The following COTL1 variants were observed in gnomAD, a reference collection of about 807,000 sequenced individuals.
COTL1 encodes coactosin-like protein.
In COTL1, 15 loss-of-function variants were observed where a neutral mutation model predicts 16.5. That is an observed-to-expected ratio of 0.91 (90% CI 0.61 to 1.40). The LOEUF is 1.40. Among genes scored for constraint, COTL1 ranks in the 40% most tolerant of loss-of-function variants. COTL1 has a pLI of 0.00. For missense variants in COTL1, 220 were observed against 201.5 expected (o/e 1.09, Z -0.56); for synonymous variants, 112 against 85.3 (o/e 1.31, Z -1.73).
chr16:84,588,501 T>C (rs1453200153), intron 3 of COTL1, among the ~76,000 whole-genome samples: 1 of 152,160 alleles, frequency 6.6e-6, no homozygotes, highest in Non-Finnish European at 1.5e-5. Flanking sequence ...GCCTATTTTT[T>C]TGTTTGTTTT....
In COTL1 at chr16:84,574,296, A is replaced by G. The variant is rs1420267698; in HGVS notation, c.319-7341T>C. On this transcript the variant is annotated intron_variant, in intron 3 of 3. Coordinates refer to ENST00000262428, the MANE Select transcript of COTL1 (RefSeq NM_021149.5). ...CACTTTCTCCCCACATCCCGCCTCCAGGGGCTGCTCTAGACTGCCAAGCCC... is the reference window on the plus strand; with the variant it reads ...CACTTTCTCCCCACATCCCGCCTCCGGGGGCTGCTCTAGACTGCCAAGCCC... 7.2e-5 allele frequency among the ~76,000 whole-genome samples: 11 copies of G among 152,300 alleles called. No homozygotes were observed. In the East Asian group the frequency reaches 1.7e-3, roughly 24 times the overall value.
chr16:84,576,856 A>G (rs938822647), intron 3 of COTL1: 1 of 152,210 alleles, frequency 6.6e-6, no homozygotes, highest in Non-Finnish European at 1.5e-5. Flanking sequence ...CCCTCACAAC[A>G]CGGTGTGGGG....
intron 3 of COTL1, among the ~76,000 whole-genome samples, chr16:84,571,963 G>C (rs1313582996): frequency 1.3e-5 from 2 of 152,218 alleles, no homozygotes; most frequent in East Asian, 3.9e-4. Flanking sequence ...TTACAAAGGT[G>C]AGCCAGCACC....
chr16:84,573,208 A>G (rs977331813), intron 3 of COTL1, among the ~76,000 whole-genome samples: 2 of 152,384 alleles, frequency 1.3e-5, no homozygotes, highest in South Asian at 4.1e-4. Context: ...GGTCCTTTAC[A>G]TTCATTTCTT....
intron 2 of COTL1, among the ~76,000 whole-genome samples, chr16:84,614,127 G>C (rs2967872): frequency 0.2 from 30,036 of 152,152 alleles, 4,879 homozygotes; most frequent in African/African-American, 0.41. Context: ...GAGTTTCCAG[G>C]CTAGAGGCCA....
At chr16:84,594,490 G>A (rs2032409648) in intron 2 of COTL1, 1 of 152,270 alleles carries the variant, frequency 6.6e-6, no homozygotes, top group African/African-American at 2.4e-5. Flanking sequence ...GTGGTGTCTG[G>A]GAAGCCAGGG....
chr16:84,580,902 G>C (rs1384197904), intron 3 of COTL1, among the ~76,000 whole-genome samples: 3 of 152,142 alleles, frequency 2.0e-5, no homozygotes, highest in African/African-American at 7.2e-5. Context: ...CCAGCACTTT[G>C]GGAGGCTGAG....
chr16:84,594,299 C>T (rs889464489), intron 2 of COTL1: 5 of 152,338 alleles, frequency 3.3e-5, no homozygotes, highest in African/African-American at 9.6e-5. Flanking sequence ...AACCTCCAAC[C>T]TAAAGCTCCT....
intron 2 of COTL1, among the ~76,000 whole-genome samples, chr16:84,614,302 A>C (rs117592089): frequency 0.03 from 4,504 of 152,334 alleles, 93 homozygotes; most frequent in Non-Finnish European, 0.047. Context: ...CTCGGGAAGA[A>C]GCAGCGCAGA....
At position 84,590,291 on chromosome 16, in the gene COTL1, G is replaced by C. The variant is rs998135133; in HGVS notation, c.161-29C>G. 1 of 1,608,752 alleles carries C rather than the reference G, an allele frequency of 6.2e-7. No individual in the cohort carries two copies. Among genetic ancestry groups the C allele is most frequent in the Non-Finnish European group, 8.5e-7 (1 of 1,175,918 alleles). On this transcript the variant is annotated intron_variant, in intron 2 of 3. Coordinates refer to ENST00000262428, the MANE Select transcript of COTL1 (RefSeq NM_021149.5). This position sits in a 1 kb window ranked among gnomAD's most constrained non-coding sequence, Gnocchi z 5.5. ...TGGCCAAAAGCGAAAAGAGAACATG[G>C]TGCTGCGTTAAAACACCCCCATGTC... is the stretch of plus-strand genomic sequence containing the variant.
chr16:84,617,932 G>A lies in COTL1; in HGVS notation c.-18C>T, dbSNP rs1399925250. 7.8e-6 allele frequency: 12 copies of A among 1,546,912 alleles called. No homozygotes were observed. The highest frequency in any genetic ancestry group is 7.3e-5 in the East Asian group (3 of 40,938). ...GTGGCCATCGCCGCGGAGCCGCAGC[G>A]GGACACTGTCCGGGGCGGCCGAGCG... On this transcript the variant is annotated 5_prime_UTR_variant, in exon 1 of 4. Transcript: ENST00000262428.
At chr16:84,600,045 C>A (rs892242627) in intron 2 of COTL1, among the ~76,000 whole-genome samples, 8 of 152,098 alleles carry the variant, frequency 5.3e-5, no homozygotes, top group African/African-American at 1.7e-4. Flanking sequence ...GAGGCTGGGG[C>A]TGGAAGGGGC....
intron 2 of COTL1, among the ~76,000 whole-genome samples, chr16:84,606,404 CTG>C (rs567760860): frequency 8.5e-4 from 129 of 152,374 alleles, no homozygotes; most frequent in African/African-American, 3.0e-3. Flanking sequence ...TCAACAACAT[CTG>C]TGCAGGCTGC....
chr16:84,574,136 C>A lies in COTL1; in HGVS notation c.319-7181G>T, dbSNP rs918385890. 2.6e-5 allele frequency among the ~76,000 whole-genome samples: 4 copies of A among 152,336 alleles called. No homozygotes were observed. The East Asian group carries it at 7.7e-4, about 29-fold the overall frequency. On this transcript the variant is annotated intron_variant, in intron 3 of 3. Transcript: ENST00000262428. Reference sequence around the variant, plus strand: ...TGAGCCATGATCGCACCACTGCACTCCACCCTTGAGACCTGCCATTCACCT... The same window carrying A: ...TGAGCCATGATCGCACCACTGCACTACACCCTTGAGACCTGCCATTCACCT...
At chr16:84,617,355 C>T in intron 2 of COTL1, 146 bp downstream of exon 2, 1 of 695,378 alleles carries the variant, frequency 1.4e-6, no homozygotes, top group Admixed American at 2.6e-5. Context: ...GGCCTTAAAA[C>T]GCTCACACCG....
At chr16:84,593,538 G>C (rs968130947) in intron 2 of COTL1, among the ~76,000 whole-genome samples, 13 of 150,244 alleles carry the variant, frequency 8.7e-5, no homozygotes, top group South Asian at 2.1e-4. Flanking sequence ...TGAGAAGGGA[G>C]TCTCGCTCCG....
At chr16:84,566,985 C>CT in intron 3 of COTL1, 30 bp from the exon 4 acceptor site, 2 of 1,538,330 alleles carry the variant, frequency 1.3e-6, no homozygotes, top group Non-Finnish European at 1.8e-6. Flanking sequence ...CACAGCGTTC[C>CT]TATTAAGAAG....
chr16:84,608,966 A>G (rs1436074255), intron 2 of COTL1, among the ~76,000 whole-genome samples: 1 of 152,140 alleles, frequency 6.6e-6, no homozygotes, highest in Admixed American at 6.5e-5. Context: ...ACCCAATAAA[A>G]TGTTTGTCGC....
chr16:84,571,731 C>T (rs1381704230), intron 3 of COTL1, among the ~76,000 whole-genome samples: 2 of 152,224 alleles, frequency 1.3e-5, no homozygotes, highest in South Asian at 2.1e-4. Context: ...CTGGACGTCA[C>T]GTGGACACAT....
Sources: allele counts gnomAD v4.1 joint callset (sites outside exome capture counted in the v4.1 genomes callset), GRCh38; gene constraint gnomAD v4.1.1; non-coding constraint Gnocchi (gnomAD v3.1); transcripts MANE v1.5; gene names NCBI Gene and HGNC (gene_info 2026-07-23, HGNC 2026-07-21).